MGAT4C: variants seen among roughly 807,000 people sequenced by gnomAD.
The protein encoded by MGAT4C is alpha-1,3-mannosyl-glycoprotein 4-beta-N-acetylglucosaminyltransferase C.
A neutral mutation model predicts 40.1 loss-of-function variants in MGAT4C; 19 were observed. The observed-to-expected ratio is 0.47, with a 90% CI of 0.33 to 0.70. The LOEUF (loss-of-function observed/expected upper bound fraction) is 0.70, where lower values mean the gene tolerates loss of function less well. Among genes scored for constraint, MGAT4C ranks in the 30% least tolerant of loss-of-function variants. The pLI is 0.02. For missense variants in MGAT4C, 491 were observed against 563.2 expected (o/e 0.87, Z 1.30); for synonymous variants, 181 against 187.1 (o/e 0.97, Z 0.27).
intron 2 of MGAT4C, among the ~76,000 whole-genome samples, chr12:86,027,767 T>C (rs1297124102): frequency 6.6e-6 from 1 of 151,994 alleles, no homozygotes; most frequent in Non-Finnish European, 1.5e-5. Context: ...CAATGCCCCA[T>C]GGCCCTCATT....
chr12:86,511,615 G>C (rs1958588245), intron 2 of MGAT4C, among the ~76,000 whole-genome samples: 1 of 152,050 alleles, frequency 6.6e-6, no homozygotes, highest in Non-Finnish European at 1.5e-5. Flanking sequence ...ACAGTCAACT[G>C]ATCTTTGATC....
intron 2 of MGAT4C, among the ~76,000 whole-genome samples, chr12:86,494,360 ATACT>A (rs1298825753): frequency 2.6e-5 from 4 of 151,994 alleles, no homozygotes; most frequent in African/African-American, 7.2e-5. Flanking sequence ...TAAAATTCAA[ATACT>A]TAGTATAGAA....
chr12:86,605,367 GT>G (rs1464363152), intron 2 of MGAT4C, among the ~76,000 whole-genome samples: 3 of 151,798 alleles, frequency 2.0e-5, no homozygotes, highest in African/African-American at 7.3e-5. Flanking sequence ...TCTTTCACCC[GT>G]TTACTGAGTA....
At chr12:86,184,481 T>C (rs1480592171) in intron 1 of MGAT4C, among the ~76,000 whole-genome samples, 1 of 152,088 alleles carries the variant, frequency 6.6e-6, no homozygotes, top group Non-Finnish European at 1.5e-5. Flanking sequence ...TCCTTTGTCT[T>C]CTTTTCTCGA....
At chr12:86,004,823 A>T (rs1251255411) in intron 2 of MGAT4C, among the ~76,000 whole-genome samples, 1 of 152,116 alleles carries the variant, frequency 6.6e-6, no homozygotes, top group Non-Finnish European at 1.5e-5. Flanking sequence ...ATGGTGAGTT[A>T]TTTTTCAGTT....
chr12:86,209,092 C>G (rs1384606985), intron 1 of MGAT4C, among the ~76,000 whole-genome samples: 1 of 151,934 alleles, frequency 6.6e-6, no homozygotes, highest in Non-Finnish European at 1.5e-5. Context: ...TTCCTTAGAT[C>G]CTGTCTACAA....
In MGAT4C at chr12:86,664,462, C is replaced by T. The variant is rs188374461; in HGVS notation, c.-229+62747G>A. ...TATTTGTATCAAATTTTGAGCAAAA[C>T]AAAGTGAAATTGCAAAGACAATTCT... On this transcript the variant is annotated intron_variant, in intron 2 of 7. Coordinates refer to the MGAT4C transcript ENST00000548651. Among the ~76,000 whole-genome samples, 3 of 152,138 alleles carry T rather than the reference C, an allele frequency of 2.0e-5. No homozygotes were observed. The East Asian group carries it at 5.8e-4, about 29-fold the overall frequency.
At chr12:86,805,470 G>C (rs997469524) in intron 1 of MGAT4C, among the ~76,000 whole-genome samples, 1 of 151,794 alleles carries the variant, frequency 6.6e-6, no homozygotes, top group Non-Finnish European at 1.5e-5. Context: ...TGTGGTATTT[G>C]GTTTTCTATT....
intron 1 of MGAT4C, among the ~76,000 whole-genome samples, chr12:86,077,524 T>C (rs1312162517): frequency 1.3e-5 from 2 of 152,196 alleles, no homozygotes; most frequent in Non-Finnish European, 2.9e-5. Context: ...ACAGTCCTCA[T>C]TTCTGGAGTT....
At chr12:86,608,716 A>T (rs984516898) in intron 2 of MGAT4C, among the ~76,000 whole-genome samples, 1 of 152,168 alleles carries the variant, frequency 6.6e-6, no homozygotes, top group Non-Finnish European at 1.5e-5. Flanking sequence ...GTAAAAAAAA[A>T]AAATAACCAA....
chr12:86,715,148 C>T lies in MGAT4C; in HGVS notation c.-229+12061G>A, dbSNP rs961814666. 3.3e-5 allele frequency among the ~76,000 whole-genome samples: 5 copies of T among 152,044 alleles called. No homozygotes were observed. The East Asian group carries it at 9.7e-4, about 29-fold the overall frequency. On this transcript the variant is annotated intron_variant, in intron 2 of 7. Transcript: ENST00000548651. ...GATATAACAATAAAACTAATTTATT[C>T]AGGCATGTTTATCCCCACACAAAAT...
At chr12:86,462,266 GTT>G (rs1309468000) in intron 2 of MGAT4C, among the ~76,000 whole-genome samples, 1 of 152,120 alleles carries the variant, frequency 6.6e-6, no homozygotes, top group Non-Finnish European at 1.5e-5. Flanking sequence ...ATCCAGAAGA[GTT>G]TTTCAAAGTT....
chr12:86,501,239 T>C lies in MGAT4C; in HGVS notation c.-228-65974A>G, dbSNP rs113814070. 3.3e-3 allele frequency among the ~76,000 whole-genome samples: 502 copies of C among 151,938 alleles called. 2 individuals carry two copies. Among genetic ancestry groups the C allele is most frequent in the African/African-American group, 0.012 (486 of 41,302 alleles). On this transcript the variant is annotated intron_variant, in intron 2 of 7. Coordinates refer to the MGAT4C transcript ENST00000548651. ...TATTAAAAAGAGAAGAAGAGAAATG[T>C]TTCTAGAAGATAACAAAGGAAATTA...
intron 1 of MGAT4C, among the ~76,000 whole-genome samples, chr12:86,231,753 TTTA>T (rs888802820): frequency 6.6e-6 from 1 of 152,162 alleles, no homozygotes. Flanking sequence ...TGTATAGAAA[TTTA>T]TTGTTGACAA....
At chr12:86,545,846 G>A (rs1239972052) in intron 2 of MGAT4C, among the ~76,000 whole-genome samples, 1 of 151,830 alleles carries the variant, frequency 6.6e-6, no homozygotes, top group African/African-American at 2.4e-5. Context: ...AATAAAGGTA[G>A]TAAGAATACT....
chr12:86,427,748 C>T (rs1170634175), intron 3 of MGAT4C, among the ~76,000 whole-genome samples: 3 of 152,128 alleles, frequency 2.0e-5, no homozygotes, highest in East Asian at 1.9e-4. Context: ...AGGCTGGACG[C>T]GGTGGCTCAT....
At chr12:86,484,757 A>G (rs1207000515) in intron 2 of MGAT4C, among the ~76,000 whole-genome samples, 2 of 152,128 alleles carry the variant, frequency 1.3e-5, no homozygotes, top group African/African-American at 4.8e-5. Flanking sequence ...AGAGAGCCCA[A>G]ATGCCCAGAA....
chr12:86,169,677 G>GA (rs1305984922), intron 1 of MGAT4C, among the ~76,000 whole-genome samples: 2 of 152,050 alleles, frequency 1.3e-5, no homozygotes, highest in East Asian at 1.9e-4. Context: ...ACAGGTGACT[G>GA]AAAAAATCAG....
intron 3 of MGAT4C, among the ~76,000 whole-genome samples, chr12:86,377,302 G>A (rs933116410): frequency 6.6e-6 from 1 of 151,948 alleles, no homozygotes; most frequent in Non-Finnish European, 1.5e-5. Flanking sequence ...CAGGTTATCC[G>A]CCCACCTCAG....
Sources: gnomAD v4.1 joint callset for allele counts (sites outside exome capture counted in the v4.1 genomes callset) on GRCh38, gnomAD v4.1.1 for gene constraint, MANE v1.5 for transcripts, NCBI Gene and HGNC (gene_info 2026-07-23, HGNC 2026-07-21) for gene names.